Variants in JAZF1 observed in about 807,000 individuals in gnomAD.
The protein encoded by JAZF1 is JAZF zinc finger 1, also known as juxtaposed with another zinc finger protein 1.
A neutral mutation model predicts 26.4 loss-of-function variants in JAZF1; 8 were observed. The observed-to-expected ratio is 0.30, with a 90% CI of 0.18 to 0.55. The LOEUF (loss-of-function observed/expected upper bound fraction) is 0.55, where lower values mean the gene tolerates loss of function less well. Among genes scored for constraint, JAZF1 ranks in the 20% least tolerant of loss-of-function variants. The pLI, the probability that JAZF1 is intolerant of heterozygous loss-of-function variation, is 0.94. For missense variants in JAZF1, 199 were observed against 322.0 expected, an observed-to-expected ratio of 0.62 and a Z score of 2.92; for synonymous variants, 126 against 122.3, an observed-to-expected ratio of 1.03 and a Z score of -0.20.
intron 1 of JAZF1, among the ~76,000 whole-genome samples, chr7:28,179,744 C>A (rs1334457690): frequency 4.8e-5 from 7 of 147,112 alleles, no homozygotes; most frequent in Non-Finnish European, 7.6e-5. Flanking sequence ...CCCGCCCGGG[C>A]CCCTCGGCCG....
chr7:27,915,836 A>T (rs1251426883), intron 2 of JAZF1, among the ~76,000 whole-genome samples: 2 of 152,254 alleles, frequency 1.3e-5, no homozygotes, highest in Non-Finnish European at 2.9e-5. Flanking sequence ...AATTTGAAAC[A>T]TGATGGACCT....
chr7:27,995,292 G>T (rs1785992243), intron 1 of JAZF1, among the ~76,000 whole-genome samples: 1 of 152,172 alleles, frequency 6.6e-6, no homozygotes, highest in African/African-American at 2.4e-5. Context: ...AAAGCACTTG[G>T]TTTTTTCATA....
chr7:28,111,006 G>C (rs1239763507), intron 1 of JAZF1, among the ~76,000 whole-genome samples: 1 of 152,174 alleles, frequency 6.6e-6, no homozygotes, highest in Non-Finnish European at 1.5e-5. Flanking sequence ...TGGTCAACAA[G>C]ATGGACAAAC....
At chr7:27,927,568 A>T (rs1339053646) in intron 2 of JAZF1, among the ~76,000 whole-genome samples, 2 of 152,170 alleles carry the variant, frequency 1.3e-5, no homozygotes, top group African/African-American at 4.8e-5. Context: ...AGTATTTAAC[A>T]AGTAGTGAGA....
intron 1 of JAZF1, among the ~76,000 whole-genome samples, chr7:28,178,620 T>A (rs1257279146): frequency 1.3e-5 from 2 of 152,238 alleles, no homozygotes; most frequent in Admixed American, 1.3e-4. Flanking sequence ...CTACCAGAAC[T>A]TCACAGTACC....
chr7:27,944,056 A>AT (rs1784889951), intron 2 of JAZF1, among the ~76,000 whole-genome samples: 1 of 152,212 alleles, frequency 6.6e-6, no homozygotes, highest in African/African-American at 2.4e-5. Context: ...TAAGTTTCAC[A>AT]GGAACTATGG....
At chr7:28,134,333 C>G (rs1346799027) in intron 1 of JAZF1, among the ~76,000 whole-genome samples, 2 of 152,138 alleles carry the variant, frequency 1.3e-5, no homozygotes, top group Non-Finnish European at 2.9e-5. Flanking sequence ...CAGGGTCTTG[C>G]TCTGTCACCC....
chr7:28,138,591 G>C (rs1367344674), intron 1 of JAZF1, among the ~76,000 whole-genome samples: 1 of 152,162 alleles, frequency 6.6e-6, no homozygotes, highest in African/African-American at 2.4e-5. Flanking sequence ...ACTTTTCAAA[G>C]AGAAAAAGGA....
intron 2 of JAZF1, among the ~76,000 whole-genome samples, chr7:27,982,235 C>T (rs527783751): frequency 2.0e-5 from 3 of 152,282 alleles, no homozygotes; most frequent in Non-Finnish European, 4.4e-5. Flanking sequence ...CCTGGAAAAT[C>T]GGGACACTCC....
intron 3 of JAZF1, among the ~76,000 whole-genome samples, chr7:27,855,326 A>T (rs1783226587): frequency 6.6e-6 from 1 of 152,206 alleles, no homozygotes; most frequent in Non-Finnish European, 1.5e-5. Context: ...CTACAGAAGC[A>T]AAAGCAAACA....
intron 2 of JAZF1, among the ~76,000 whole-genome samples, chr7:27,967,255 T>C (rs1785293160): frequency 1.3e-5 from 2 of 151,862 alleles, no homozygotes; most frequent in Admixed American, 6.6e-5. Context: ...TGACAGAGCT[T>C]TGGAGTAGAT....
At chr7:28,153,813 C>T (rs1358069698) in intron 1 of JAZF1, among the ~76,000 whole-genome samples, 1 of 152,146 alleles carries the variant, frequency 6.6e-6, no homozygotes, top group African/African-American at 2.4e-5. Flanking sequence ...GGGGTTACCA[C>T]TCACCATACC....
intron 1 of JAZF1, among the ~76,000 whole-genome samples, chr7:28,179,618 G>C (rs1332960243): frequency 6.6e-6 from 1 of 150,646 alleles, no homozygotes; most frequent in Non-Finnish European, 1.5e-5. Flanking sequence ...CGTCGACCCC[G>C]GGGCGCTGGG....
intron 2 of JAZF1, among the ~76,000 whole-genome samples, chr7:27,986,180 T>C (rs536484876): frequency 6.6e-6 from 1 of 152,352 alleles, no homozygotes; most frequent in Non-Finnish European, 1.5e-5. Flanking sequence ...ATTGTCCCTG[T>C]TTGCAGATGA....
At chr7:27,910,132 T>C (rs1360223875) in intron 2 of JAZF1, among the ~76,000 whole-genome samples, 1 of 152,226 alleles carries the variant, frequency 6.6e-6, no homozygotes. Context: ...CTTTCAGGTA[T>C]GAGAGTCTGT....
At chr7:28,119,741 A>G (rs1300640314) in intron 1 of JAZF1, among the ~76,000 whole-genome samples, 2 of 152,164 alleles carry the variant, frequency 1.3e-5, no homozygotes, top group African/African-American at 4.8e-5. Context: ...CATTAACTCA[A>G]CAGATATTTA....
intron 1 of JAZF1, among the ~76,000 whole-genome samples, chr7:28,049,598 T>C (rs1783577147): frequency 6.6e-6 from 1 of 152,170 alleles, no homozygotes; most frequent in South Asian, 2.1e-4. Flanking sequence ...CTATTTCAGA[T>C]GCCAATTGAA....
At chr7:28,120,565 T>C (rs1019656186) in intron 1 of JAZF1, among the ~76,000 whole-genome samples, 1 of 129,026 alleles carries the variant, frequency 7.8e-6, no homozygotes, top group Non-Finnish European at 1.6e-5. Context: ...TGGAGTGCAA[T>C]GGCGCGATCT....
intron 1 of JAZF1, among the ~76,000 whole-genome samples, chr7:28,164,352 T>C (rs1783333851): frequency 6.6e-6 from 1 of 152,228 alleles, no homozygotes; most frequent in South Asian, 2.1e-4. Flanking sequence ...AAATTACAGG[T>C]ACGAATATAT....
Sources: allele counts gnomAD v4.1 joint callset (sites outside exome capture counted in the v4.1 genomes callset), GRCh38; gene constraint gnomAD v4.1.1; transcripts MANE v1.5; gene names NCBI Gene and HGNC (gene_info 2026-07-23, HGNC 2026-07-21).